The following SYT9 variants were observed in gnomAD, a reference collection of about 807,000 sequenced individuals.
The protein encoded by SYT9 is synaptotagmin-9.
Under a neutral mutation model 48.4 loss-of-function variants are expected in SYT9, and 22 were observed. The ratio of observed to expected loss-of-function variants is 0.45; its 90% CI spans 0.32 to 0.65. The LOEUF is 0.65. SYT9 is among the 30% of genes least tolerant of loss of function. The probability of loss-of-function intolerance (pLI) is 0.03; values close to 1 mark genes in which losing one functional copy is unlikely to be tolerated. For missense variants in SYT9, 577 were observed against 622.0 expected (o/e 0.93, Z 0.77); for synonymous variants, 265 against 245.0 (o/e 1.08, Z -0.76).
intron 1 of SYT9, among the ~76,000 whole-genome samples, chr11:7,272,543 C>T (rs572476681): frequency 6.6e-6 from 1 of 152,074 alleles, no homozygotes; most frequent in Non-Finnish European, 1.5e-5. Context: ...ATTCACTCAT[C>T]ACGTTTAACA....
chr11:7,290,512 C>A (rs988445009), intron 1 of SYT9, among the ~76,000 whole-genome samples: 1 of 152,164 alleles, frequency 6.6e-6, no homozygotes, highest in African/African-American at 2.4e-5. Flanking sequence ...AACACTGTAT[C>A]ATTTTCAATC....
intron 3 of SYT9, among the ~76,000 whole-genome samples, chr11:7,368,845 A>G (rs1412161571): frequency 6.6e-6 from 1 of 152,118 alleles, no homozygotes; most frequent in East Asian, 1.9e-4. Context: ...GTGTCTATAT[A>G]TAAAGAAATG....
chr11:7,282,743 C>T (rs996730689), intron 1 of SYT9, among the ~76,000 whole-genome samples: 2 of 152,060 alleles, frequency 1.3e-5, no homozygotes, highest in African/African-American at 4.8e-5. Context: ...CAGTTGTTTC[C>T]CTTGAGACAC....
chr11:7,249,809 A>C, upstream of SYT9, among the ~76,000 whole-genome samples: 1 of 152,226 alleles, frequency 6.6e-6, no homozygotes, highest in East Asian at 1.9e-4. Flanking sequence ...GGTTGGTTGC[A>C]TAGTAACTAG....
At chr11:7,270,742 T>C (rs1848278374) in intron 1 of SYT9, among the ~76,000 whole-genome samples, 2 of 152,108 alleles carry the variant, frequency 1.3e-5, no homozygotes, top group Admixed American at 6.6e-5. Flanking sequence ...CACTGTTAGA[T>C]GATGAATTGA....
In SYT9 at chr11:7,252,455, A is replaced by G; in HGVS notation, c.145+124A>G. On this transcript the variant is annotated intron_variant, in intron 1 of 6. Coordinates refer to ENST00000318881, the MANE Select transcript of SYT9 (RefSeq NM_175733.4). This position sits in a 1 kb window ranked among gnomAD's most constrained non-coding sequence, Gnocchi z 6.3. The stretch of plus-strand genomic sequence containing the variant: ...GAGGGCGGGGGGCGGCCACCGAGCC[A>G]GGAGAGTGATCAAGAACCAGCGCAC... The G allele has an allele frequency of 9.1e-6, 10 of 1,097,502 alleles. No individual in the cohort carries two copies. Among genetic ancestry groups the G allele is most frequent in the Non-Finnish European group, 1.1e-5 (9 of 840,072 alleles). 68.0% of individuals were successfully genotyped at this position (1,097,502 alleles called of 1,614,324 possible).
At chr11:7,450,031 C>T (rs766807396) in intron 6 of SYT9, among the ~76,000 whole-genome samples, 3 of 152,146 alleles carry the variant, frequency 2.0e-5, no homozygotes, top group Non-Finnish European at 4.4e-5. Context: ...ATGATCCCTC[C>T]GATGAATAAT....
chr11:7,357,541 G>C (rs1210138202), intron 3 of SYT9, among the ~76,000 whole-genome samples: 1 of 152,160 alleles, frequency 6.6e-6, no homozygotes, highest in South Asian at 2.1e-4. Context: ...TAGCAAAGCA[G>C]TGTGAAGTAA....
At chr11:7,341,496 C>G (rs1016873750) in intron 3 of SYT9, among the ~76,000 whole-genome samples, 9 of 152,198 alleles carry the variant, frequency 5.9e-5, no homozygotes, top group Admixed American at 3.3e-4. Flanking sequence ...CACACGTTCT[C>G]TTACCTGCTG....
At chr11:7,354,041 A>G (rs1283637631) in intron 3 of SYT9, among the ~76,000 whole-genome samples, 2 of 152,240 alleles carry the variant, frequency 1.3e-5, no homozygotes, top group Non-Finnish European at 1.5e-5. Flanking sequence ...CATTAATAGT[A>G]ATGATTGAAA....
chr11:7,365,998 A>G lies in SYT9; in HGVS notation c.1045-50044A>G, dbSNP rs554686187. 5.3e-5 allele frequency among the ~76,000 whole-genome samples: 8 copies of G among 152,306 alleles called. No individual in the cohort carries two copies. The South Asian group carries it at 1.7e-3, about 32-fold the overall frequency. On this transcript the variant is annotated intron_variant, in intron 3 of 6. Coordinates refer to ENST00000318881, the MANE Select transcript of SYT9 (RefSeq NM_175733.4). ...TATAGCCTTGTAATTGCCCTTGAAG[A>G]AAGTCCTACTTGCTTTGGTTACTTA... is the stretch of plus-strand genomic sequence containing the variant.
intron 6 of SYT9, among the ~76,000 whole-genome samples, chr11:7,431,704 C>T (rs940966722): frequency 2.2e-4 from 33 of 152,244 alleles, no homozygotes; most frequent in African/African-American, 7.7e-4. Context: ...CCCCACATCC[C>T]TACTGCTCCA....
In SYT9 at chr11:7,313,525, A is replaced by G. The variant is rs1849181019; in HGVS notation, c.628A>G (p.Asn210Asp). The change falls in exon 3 of 7, where the codon AAT (asparagine) becomes GAT (aspartate). Residue 210 changes from asparagine to aspartate, a missense_variant. Asn to Asp is a conservative substitution (Grantham distance 23, BLOSUM62 1). Transcript: ENST00000318881. The part of the protein sequence containing the change: ...PELYKQRSLD[N>D]DDGRRSNSKA... ...GTTATATAAGCAGAGGTCATTGGAT[A>G]ATGATGACGGGAGACGGAGTAACAG... 6.2e-7 allele frequency: 1 copy of G among 1,614,182 alleles called. No homozygotes were observed. Among genetic ancestry groups the G allele is most frequent in the East Asian group, 2.2e-5 (1 of 44,882 alleles).
intron 1 of SYT9, 119 bp from the exon 2 acceptor site, chr11:7,302,920 G>A: frequency 1.1e-6 from 1 of 881,920 alleles, no homozygotes; most frequent in Non-Finnish European, 1.8e-6. Context: ...CCCCAGCATG[G>A]CCTTCCGCAG....
chr11:7,241,287 G>A (rs913469841), intron 1 of SYT9, among the ~76,000 whole-genome samples: 5 of 151,270 alleles, frequency 3.3e-5, no homozygotes, highest in Non-Finnish European at 5.9e-5. Flanking sequence ...AGATCTATAT[G>A]AAAAGGAGTG....
At chr11:7,284,880 A>G (rs969314042) in intron 1 of SYT9, among the ~76,000 whole-genome samples, 1 of 152,154 alleles carries the variant, frequency 6.6e-6, no homozygotes, top group African/African-American at 2.4e-5. Flanking sequence ...TTCAAAGACA[A>G]AAGTTTACCT....
chr11:7,385,101 T>C (rs1408948939), intron 3 of SYT9, among the ~76,000 whole-genome samples: 1 of 152,182 alleles, frequency 6.6e-6, no homozygotes, highest in Admixed American at 6.6e-5. Flanking sequence ...ATGTGTATTA[T>C]ATGTATACTT....
intron 3 of SYT9, among the ~76,000 whole-genome samples, chr11:7,353,471 C>A (rs1325067675): frequency 6.6e-6 from 1 of 152,198 alleles, no homozygotes; most frequent in Non-Finnish European, 1.5e-5. Flanking sequence ...TTCCTAGCAC[C>A]TAGATGGCAG....
At chr11:7,249,840 C>A (rs1052417488), upstream of SYT9, among the ~76,000 whole-genome samples, 2 of 152,174 alleles carry the variant, frequency 1.3e-5, no homozygotes, top group Non-Finnish European at 2.9e-5. Flanking sequence ...TCTTGAATGT[C>A]TTACTGTCTA....
Sources: gnomAD v4.1 joint callset for allele counts (sites outside exome capture counted in the v4.1 genomes callset) on GRCh38, gnomAD v4.1.1 for gene constraint, Gnocchi (gnomAD v3.1) non-coding constraint, MANE v1.5 for transcripts, NCBI Gene and HGNC (gene_info 2026-07-23, HGNC 2026-07-21) for gene names.